The following GCN1 variants were observed in gnomAD, a reference collection of about 807,000 sequenced individuals.
GCN1 encodes the protein stalled ribosome sensor GCN1.
In GCN1, 90 loss-of-function variants were observed where a neutral mutation model predicts 288.4. The observed-to-expected ratio is 0.31, with a 90% CI of 0.26 to 0.37. GCN1 has a LOEUF of 0.37. Among genes scored for constraint, GCN1 ranks in the 10% least tolerant of loss-of-function variants. The pLI is 1.00. For missense variants in GCN1, 2,586 were observed against 3,419.9 expected, an observed-to-expected ratio of 0.76 and a Z score of 6.08; for synonymous variants, 1,386 against 1,420.2, an observed-to-expected ratio of 0.98 and a Z score of 0.54.
intron 20 of GCN1, among the ~76,000 whole-genome samples, chr12:120,162,478 C>T (rs1877963172): frequency 6.6e-6 from 1 of 152,220 alleles, no homozygotes; most frequent in Non-Finnish European, 1.5e-5. Context: ...GATGGCAAGA[C>T]AAAGCCTGGA....
At chr12:120,130,987 C>A (rs905076799) in intron 55 of GCN1, among the ~76,000 whole-genome samples, 198 bp downstream of exon 55, 1 of 152,268 alleles carries the variant, frequency 6.6e-6, no homozygotes, top group African/African-American at 2.4e-5. Flanking sequence ...ATTCTTCAAC[C>A]CAAATTCCTT....
intron 2 of GCN1, among the ~76,000 whole-genome samples, chr12:120,188,298 G>A (rs1878885717): frequency 6.6e-6 from 1 of 152,120 alleles, no homozygotes; most frequent in African/African-American, 2.4e-5. Context: ...GCTGGGCGTG[G>A]TAGCAGGTGC....
intron 31 of GCN1, among the ~76,000 whole-genome samples, chr12:120,154,257 G>C (rs1344221936): frequency 1.3e-5 from 2 of 152,242 alleles, no homozygotes; most frequent in Non-Finnish European, 2.9e-5. Context: ...GCCTGTGGAA[G>C]TGAACACATT....
At chr12:120,167,968 C>G (rs1878186732) in intron 16 of GCN1, among the ~76,000 whole-genome samples, 1 of 152,024 alleles carries the variant, frequency 6.6e-6, no homozygotes, top group African/African-American at 2.4e-5. Context: ...AATTACAGCT[C>G]ATGTCGTAGC....
Position 120,156,867 on chromosome 12 carries a change from G to A in GCN1, c.3168+45C>T. 7.6e-7 allele frequency: 1 copy of A among 1,316,852 alleles called. No homozygotes were observed. The highest frequency in any genetic ancestry group is 1.1e-6 in the Non-Finnish European group (1 of 908,454). The allele number at this position is 1,316,852 out of a possible 1,614,324, so 81.6% of individuals were successfully genotyped here. Reference sequence around the variant, plus strand: ...CTTTACACTGGGACTTGAGGTCTGGGTCACGAACTGAGTCACAGCAACAGC... The same window carrying A: ...CTTTACACTGGGACTTGAGGTCTGGATCACGAACTGAGTCACAGCAACAGC... On this transcript the variant is annotated intron_variant, in intron 27 of 57. Coordinates refer to ENST00000300648, the MANE Select transcript of GCN1 (RefSeq NM_006836.2). The surrounding 1 kb of genome is among the most constrained non-coding windows in gnomAD (Gnocchi z 5.8).
At chr12:120,166,309 CAGG>C (rs1460597473) in intron 16 of GCN1, among the ~76,000 whole-genome samples, 4 of 148,062 alleles carry the variant, frequency 2.7e-5, no homozygotes, top group Non-Finnish European at 5.9e-5. Flanking sequence ...GAGGCTGAGG[CAGG>C]AGAATTGCTT....
intron 39 of GCN1, 47 bp downstream of exon 39, chr12:120,145,215 G>T: frequency 1.3e-5 from 20 of 1,549,350 alleles, no homozygotes; most frequent in Non-Finnish European, 1.8e-5. Context: ...CATTTATGGG[G>T]ACTGGATGAG....
In GCN1 at chr12:120,155,961, G is replaced by A. The variant is rs374781003; in HGVS notation, c.3313-242C>T. Among the ~76,000 whole-genome samples the A allele has an allele frequency of 3.7e-4, 56 of 152,140 alleles. No individual in the cohort carries two copies. Among genetic ancestry groups the A allele is most frequent in the Admixed American group, 2.3e-3 (35 of 15,284 alleles). On this transcript the variant is annotated intron_variant, in intron 28 of 57. Transcript: ENST00000300648. This position sits in a 1 kb window ranked among gnomAD's most constrained non-coding sequence, Gnocchi z 4.9. The stretch of plus-strand genomic sequence containing the variant: ...GACAGATAAAAACCTCAGAAAAAGC[G>A]TATTCCTTTTGTTCAAAAAAATTTT...
chr12:120,140,820 T>C, intron 45 of GCN1, 39 bp downstream of exon 45: 1 of 1,594,150 alleles, frequency 6.3e-7, no homozygotes. Context: ...TCAGGTCGTC[T>C]GCAGTGCACA....
At chr12:120,177,880 T>C (rs1221401536) in intron 7 of GCN1, 128 bp from the exon 8 acceptor site, 16 of 746,458 alleles carry the variant, frequency 2.1e-5, no homozygotes, top group South Asian at 4.4e-5. Flanking sequence ...GTGTTAAGCA[T>C]AGAGGTCCCA....
In GCN1 at chr12:120,155,048, A is replaced by G; in HGVS notation, c.3631-8T>C. 6.2e-7 allele frequency: 1 copy of G among 1,612,676 alleles called. No homozygotes were observed. Reference sequence around the variant, plus strand: ...CAGCACTGGGGGCGGCCGCTGCAACAGACAAGTTGGTAAATGCTTTGCAAC... The same window carrying G: ...CAGCACTGGGGGCGGCCGCTGCAACGGACAAGTTGGTAAATGCTTTGCAAC... On this transcript the variant is annotated splice_region_variant and splice_polypyrimidine_tract_variant and intron_variant, in intron 30 of 57. Transcript: ENST00000300648. The surrounding 1 kb of genome is among the most constrained non-coding windows in gnomAD (Gnocchi z 4.9).
rs1877286196 is a variant in GCN1 at position 120,144,176 on chromosome 12, A to G, written c.5495+130T>C. On this transcript the variant is annotated intron_variant, in intron 42 of 57. Coordinates refer to ENST00000300648, the MANE Select transcript of GCN1 (RefSeq NM_006836.2). The surrounding 1 kb of genome is among the most constrained non-coding windows in gnomAD (Gnocchi z 4.7). ...TTTTTTATAGAGACAGGGTCTCACTATGTTGCCAGGGCTCATCGTAAACTC... is the reference window on the plus strand; with the variant it reads ...TTTTTTATAGAGACAGGGTCTCACTGTGTTGCCAGGGCTCATCGTAAACTC... 4 of 949,018 alleles carry G rather than the reference A, an allele frequency of 4.2e-6. No homozygotes were observed. In the East Asian group the frequency reaches 7.4e-5, roughly 18 times the overall value. The allele number at this position is 949,018 out of a possible 1,614,324, so 58.8% of individuals were successfully genotyped here. A position where few individuals can be genotyped will look rare whatever the true frequency, so the allele number is the denominator to read the frequency against.
chr12:120,156,804 T>C lies in GCN1; in HGVS notation c.3168+108A>G, dbSNP rs1447178949. On this transcript the variant is annotated intron_variant, in intron 27 of 57. Coordinates refer to ENST00000300648, the MANE Select transcript of GCN1 (RefSeq NM_006836.2). This position sits in a 1 kb window ranked among gnomAD's most constrained non-coding sequence, Gnocchi z 5.8. ...CTCTAAAGCAGTCTTTCTACCAAAG[T>C]CCAAAAGTAAGGGCTGAAAGGAAAC... The C allele has an allele frequency of 2.0e-6, 2 of 976,384 alleles. No homozygotes were observed. Among genetic ancestry groups the C allele is most frequent in the Admixed American group, 3.7e-5 (2 of 54,788 alleles). 60.5% of individuals were successfully genotyped at this position (976,384 alleles called of 1,614,324 possible).
At position 120,142,483 on chromosome 12, in the gene GCN1, C is replaced by A; in HGVS notation, c.5829+24G>T. The A allele has an allele frequency of 6.3e-7, 1 of 1,596,418 alleles. No homozygotes were observed. Among genetic ancestry groups the A allele is most frequent in the South Asian group, 1.1e-5 (1 of 90,656 alleles). ...AAAGGAGGCACTGGGGCTGCTGGTC[C>A]AAAACAAGGCCCAGGAAACTCACCG... On this transcript the variant is annotated intron_variant, in intron 44 of 57. Transcript: ENST00000300648. This position sits in a 1 kb window ranked among gnomAD's most constrained non-coding sequence, Gnocchi z 4.9.
intron 5 of GCN1, among the ~76,000 whole-genome samples, chr12:120,181,280 A>G (rs907601339): frequency 1.3e-5 from 2 of 151,740 alleles, no homozygotes; most frequent in South Asian, 2.1e-4. Context: ...AACCCGGGCA[A>G]CAAAAGAAAA....
Position 120,194,708 on chromosome 12 carries a change from C to T in GCN1, c.-11G>A, listed in dbSNP as rs1050309359. ...CGTGTCCGCCGCCATCCTGCCGGGG[C>T]TGACTCCGGAACCGCTTCCGGAACG... On this transcript the variant is annotated 5_prime_UTR_variant, in exon 1 of 58. Coordinates refer to ENST00000300648, the MANE Select transcript of GCN1 (RefSeq NM_006836.2). 1.7e-5 allele frequency: 25 copies of T among 1,509,266 alleles called. No homozygotes were observed. The African/African-American group carries it at 3.0e-4, about 18-fold the overall frequency. 93.5% of individuals were successfully genotyped at this position (1,509,266 alleles called of 1,614,324 possible).
intron 5 of GCN1, among the ~76,000 whole-genome samples, chr12:120,179,683 G>A (rs1304221844): frequency 1.3e-5 from 2 of 152,172 alleles, no homozygotes; most frequent in African/African-American, 4.8e-5. Context: ...ACAGGCGTGA[G>A]CCACTGCGCC....
intron 57 of GCN1, among the ~76,000 whole-genome samples, chr12:120,128,524 C>CG (rs1251304481): frequency 5.3e-5 from 8 of 151,830 alleles, no homozygotes; most frequent in African/African-American, 1.7e-4. Flanking sequence ...TTAGTAGAGA[C>CG]GGGGTTTCTC....
chr12:120,187,621 C>G (rs1456878372), intron 2 of GCN1, among the ~76,000 whole-genome samples: 1 of 151,644 alleles, frequency 6.6e-6, no homozygotes, highest in African/African-American at 2.4e-5. Context: ...GACACAGGGT[C>G]TCACTCTGTC....
Sources: allele counts gnomAD v4.1 joint callset (sites outside exome capture counted in the v4.1 genomes callset), GRCh38; gene constraint gnomAD v4.1.1; non-coding constraint Gnocchi (gnomAD v3.1); transcripts MANE v1.5; gene names NCBI Gene and HGNC (gene_info 2026-07-23, HGNC 2026-07-21).